The following ZBTB20 variants were observed in gnomAD, a reference collection of about 807,000 sequenced individuals.
The protein encoded by ZBTB20 is zinc finger and BTB domain containing 20.
Under a neutral mutation model 56.9 loss-of-function variants are expected in ZBTB20, and 9 were observed. That is an observed-to-expected ratio of 0.16 (90% CI 0.10 to 0.28). The LOEUF is 0.28. ZBTB20 is among the 10% of genes least tolerant of loss of function. The pLI is 1.00. For synonymous variants in ZBTB20, 417 were observed against 420.7 expected, an observed-to-expected ratio of 0.99 and a Z score of 0.11; for missense variants, 655 against 1,003.0, an observed-to-expected ratio of 0.65 and a Z score of 4.69.
chr3:114,497,706 C>A (rs2043443595), intron 7 of ZBTB20, among the ~76,000 whole-genome samples: 1 of 152,176 alleles, frequency 6.6e-6, no homozygotes, highest in African/African-American at 2.4e-5. Context: ...TTATGTATCT[C>A]CCCTATCAGA....
At chr3:115,147,082 C>T (rs1158409098) in intron 1 of ZBTB20, 137 bp downstream of exon 1, 1 of 146,152 alleles carries the variant, frequency 6.8e-6, no homozygotes, top group African/African-American at 2.5e-5. Context: ...CTCCCCCAAC[C>T]CCACCCCGCT....
At chr3:115,078,651 A>T (rs2082686651) in intron 1 of ZBTB20, among the ~76,000 whole-genome samples, 1 of 149,410 alleles carries the variant, frequency 6.7e-6, no homozygotes, top group Admixed American at 6.7e-5. Flanking sequence ...GAAGAGTGAG[A>T]GAGAGAGTGG....
At chr3:114,342,195 TTG>T (rs1307491407) in intron 11 of ZBTB20, among the ~76,000 whole-genome samples, 2 of 147,364 alleles carry the variant, frequency 1.4e-5, no homozygotes, top group African/African-American at 5.4e-5. Flanking sequence ...GAATGAATGA[TTG>T]TGTTTTAAGA....
intron 2 of ZBTB20, among the ~76,000 whole-genome samples, chr3:115,043,978 G>C (rs79013095): frequency 0.015 from 2,324 of 152,188 alleles, 31 homozygotes; most frequent in South Asian, 0.05. Flanking sequence ...TTGCTTAAAT[G>C]CATGTGGCAC....
rs59044965 is a variant in ZBTB20, at chr3:114,347,077, GTTTTTTTTTTTT to G, written c.1804+3185_1804+3196del. Among the ~76,000 whole-genome samples, 624 of 71,070 alleles carry G rather than the reference GTTTTTTTTTTTT, an allele frequency of 8.8e-3. 5 individuals are homozygous for G. Among genetic ancestry groups the G allele is most frequent in the African/African-American group, 0.033 (508 of 15,490 alleles). The allele number at this position is 71,070 out of a possible 152,430, so 46.6% of individuals were successfully genotyped here. ...GAATCTTATAATTTATTCTCTTCAG[GTTTTTTTTTTTT>G]TTTTTTTTTTTTTTTTTTTTTAAGA... On this transcript the variant is annotated intron_variant, in intron 11 of 11. Transcript: ENST00000675478.
chr3:114,885,640 T>C (rs1297660737), intron 4 of ZBTB20, among the ~76,000 whole-genome samples: 1 of 152,144 alleles, frequency 6.6e-6, no homozygotes, highest in Non-Finnish European at 1.5e-5. Flanking sequence ...GTGTTTTGGG[T>C]GCAAATCCCA....
rs947013346 is a variant in ZBTB20, at chr3:114,914,664, G to T, written c.-455-14322C>A. Among the ~76,000 whole-genome samples the T allele has an allele frequency of 5.9e-5, 9 of 151,854 alleles. No homozygotes were observed. The East Asian group carries it at 1.5e-3, about 26-fold the overall frequency. Reference sequence around the variant, plus strand: ...CCAGATCTTAGGGTAAAGGCTTTCAGTTTTTCCCCACTCAGCATGATACTA... The same window carrying T: ...CCAGATCTTAGGGTAAAGGCTTTCATTTTTTCCCCACTCAGCATGATACTA... On this transcript the variant is annotated intron_variant, in intron 3 of 11. Transcript: ENST00000675478.
intron 4 of ZBTB20, among the ~76,000 whole-genome samples, chr3:114,871,881 CACATAGG>C (rs1219648903): frequency 6.6e-6 from 1 of 152,092 alleles, no homozygotes; most frequent in Non-Finnish European, 1.5e-5. Flanking sequence ...GACTAAACAA[CACATAGG>C]ACCTTCAAAA....
chr3:114,965,040 T>A (rs1463881742), intron 3 of ZBTB20, among the ~76,000 whole-genome samples: 3 of 152,182 alleles, frequency 2.0e-5, no homozygotes, highest in East Asian at 3.9e-4. Flanking sequence ...AACATATTAA[T>A]GGAAGCCAGT....
At chr3:115,055,613 T>C (rs755275938) in intron 2 of ZBTB20, among the ~76,000 whole-genome samples, 4 of 152,118 alleles carry the variant, frequency 2.6e-5, no homozygotes, top group Non-Finnish European at 5.9e-5. Context: ...AATAGAGATA[T>C]AAATATCTAA....
intron 4 of ZBTB20, 63 bp from the exon 5 acceptor site, chr3:114,801,237 T>G (rs531869269): frequency 6.6e-6 from 1 of 151,166 alleles, no homozygotes; most frequent in Non-Finnish European, 1.5e-5. Context: ...TAATTAAAAA[T>G]TAAACTTTCA....
chr3:114,418,632 T>C (rs2088825821), intron 7 of ZBTB20, among the ~76,000 whole-genome samples: 1 of 151,540 alleles, frequency 6.6e-6, no homozygotes, highest in African/African-American at 2.4e-5. Context: ...TTTGATACAG[T>C]TTCCCAAGGG....
chr3:114,470,922 T>G (rs187102814), intron 7 of ZBTB20, among the ~76,000 whole-genome samples: 1 of 152,206 alleles, frequency 6.6e-6, no homozygotes, highest in Non-Finnish European at 1.5e-5. Context: ...AGGTTAGATA[T>G]AGGAGATTAA....
intron 3 of ZBTB20, among the ~76,000 whole-genome samples, chr3:114,941,407 A>G (rs1461880407): frequency 6.8e-6 from 1 of 146,440 alleles, no homozygotes; most frequent in Admixed American, 6.6e-5. Flanking sequence ...GGTTTTTAAA[A>G]TGCTTTCAAA....
chr3:114,858,645 T>A (rs2971237), intron 4 of ZBTB20, among the ~76,000 whole-genome samples: 2 of 152,078 alleles, frequency 1.3e-5, no homozygotes, highest in Non-Finnish European at 2.9e-5. Context: ...GTATTTGAGC[T>A]CCGTGCAGTG....
At chr3:114,427,881 G>T (rs936590124) in intron 7 of ZBTB20, among the ~76,000 whole-genome samples, 11 of 152,218 alleles carry the variant, frequency 7.2e-5, no homozygotes, top group Non-Finnish European at 1.2e-4. Flanking sequence ...CCAACTAAGG[G>T]AGAGGTTATT....
At chr3:114,355,057 A>C (rs1465487979) in intron 10 of ZBTB20, among the ~76,000 whole-genome samples, 1 of 152,182 alleles carries the variant, frequency 6.6e-6, no homozygotes, top group Non-Finnish European at 1.5e-5. Context: ...ATGGAACTTG[A>C]AGTGCCCAAA....
At chr3:114,970,279 C>G (rs2108025738) in intron 3 of ZBTB20, among the ~76,000 whole-genome samples, 1 of 152,288 alleles carries the variant, frequency 6.6e-6, no homozygotes, top group Non-Finnish European at 1.5e-5. Context: ...TTGAGTGGTA[C>G]TACAATGAGT....
chr3:114,838,550 G>A (rs559256527), intron 4 of ZBTB20, among the ~76,000 whole-genome samples: 8 of 152,102 alleles, frequency 5.3e-5, no homozygotes, highest in Non-Finnish European at 1.0e-4. Context: ...GTGTGACTGG[G>A]GGGGGAAAGT....
Sources: gnomAD v4.1 joint callset for allele counts (sites outside exome capture counted in the v4.1 genomes callset) on GRCh38, gnomAD v4.1.1 for gene constraint, MANE v1.5 for transcripts, NCBI Gene and HGNC (gene_info 2026-07-23, HGNC 2026-07-21) for gene names.